RAB28: variants seen among roughly 807,000 people sequenced by gnomAD.
RAB28 encodes ras-related protein Rab-28.
RAB28 carries 24 observed loss-of-function variants against 31.7 expected under a neutral mutation model. That is an observed-to-expected ratio of 0.76 (90% CI 0.55 to 1.06). The LOEUF is 1.06. Among genes scored for constraint, RAB28 ranks in the 50% least tolerant of loss-of-function variants. The probability of loss-of-function intolerance (pLI) is 0.00; values close to 1 mark genes in which losing one functional copy is unlikely to be tolerated. For missense variants in RAB28, 254 were observed against 258.5 expected (o/e 0.98, Z 0.12); for synonymous variants, 100 against 90.4 (o/e 1.11, Z -0.60).
intron 4 of RAB28, among the ~76,000 whole-genome samples, chr4:13,386,824 T>C (rs1490500748): frequency 6.6e-6 from 1 of 152,052 alleles, no homozygotes; most frequent in Non-Finnish European, 1.5e-5. Flanking sequence ...CTATTCAAAA[T>C]AGCAAAGACA....
At position 13,474,522 on chromosome 4, in the gene RAB28, T is replaced by A. The variant is rs1281900451; in HGVS notation, c.173-116A>T. Reference sequence around the variant, plus strand: ...CACAATAAGAAACTCTGAGCCCAATTTGCCTTTATGTGCAGGCTCACATGA... The same window carrying A: ...CACAATAAGAAACTCTGAGCCCAATATGCCTTTATGTGCAGGCTCACATGA... On this transcript the variant is annotated intron_variant, in intron 2 of 6. Coordinates refer to ENST00000330852, the MANE Select transcript of RAB28 (RefSeq NM_001017979.3). 4 of 585,190 alleles carry A rather than the reference T, an allele frequency of 6.8e-6. No individual in the cohort carries two copies. In the Admixed American group the frequency reaches 9.6e-5, roughly 14 times the overall value. 36.2% of individuals were successfully genotyped at this position (585,190 alleles called of 1,614,324 possible).
chr4:13,399,891 G>A (rs1392956842), intron 4 of RAB28, among the ~76,000 whole-genome samples: 1 of 151,944 alleles, frequency 6.6e-6, no homozygotes, highest in Non-Finnish European at 1.5e-5. Context: ...TTTATCTTCT[G>A]TAGTTAATAT....
At chr4:13,439,368 T>C (rs968546999) in intron 4 of RAB28, among the ~76,000 whole-genome samples, 2 of 152,118 alleles carry the variant, frequency 1.3e-5, no homozygotes, top group African/African-American at 4.8e-5. Context: ...TTTGTTTTTG[T>C]TTTTCAGACA....
chr4:13,379,184 G>C (rs1196844455), intron 5 of RAB28, among the ~76,000 whole-genome samples: 1 of 130,576 alleles, frequency 7.7e-6, no homozygotes, highest in Non-Finnish European at 1.6e-5. Flanking sequence ...CCAGCCCGGA[G>C]GACACAGTGA....
At chr4:13,483,829 T>C (rs1410174004) in intron 1 of RAB28, among the ~76,000 whole-genome samples, 1 of 152,216 alleles carries the variant, frequency 6.6e-6, no homozygotes, top group Non-Finnish European at 1.5e-5. Flanking sequence ...GGCCCGAGTC[T>C]TGCAGGAGTT....
At chr4:13,406,920 T>G (rs890472670) in intron 4 of RAB28, among the ~76,000 whole-genome samples, 2 of 152,232 alleles carry the variant, frequency 1.3e-5, no homozygotes, top group Non-Finnish European at 2.9e-5. Flanking sequence ...TGGATAGATT[T>G]GCAAAAATTT....
chr4:13,424,174 A>G (rs1485257659), intron 4 of RAB28, among the ~76,000 whole-genome samples: 3 of 152,248 alleles, frequency 2.0e-5, no homozygotes, highest in Non-Finnish European at 4.4e-5. Context: ...GTTCAAGACT[A>G]TATTTCGTAA....
chr4:13,384,389 G>A (rs1231144342), intron 4 of RAB28, among the ~76,000 whole-genome samples: 1 of 152,198 alleles, frequency 6.6e-6, no homozygotes, highest in African/African-American at 2.4e-5. Context: ...TGCTGCTGCT[G>A]CTGCTAGCAC....
intron 6 of RAB28, chr4:13,371,734 A>T: frequency 6.5e-7 from 1 of 1,542,894 alleles, no homozygotes; most frequent in Non-Finnish European, 8.7e-7. Context: ...CACTGTAGTC[A>T]GCTTATTTAA....
chr4:13,482,483 T>A (rs1193989495), intron 1 of RAB28, among the ~76,000 whole-genome samples: 1 of 152,122 alleles, frequency 6.6e-6, no homozygotes, highest in African/African-American at 2.4e-5. Context: ...CAGTTATGAA[T>A]TGAATACAGT....
At chr4:13,470,962 A>G (rs1166751587) in intron 3 of RAB28, among the ~76,000 whole-genome samples, 3 of 151,938 alleles carry the variant, frequency 2.0e-5, no homozygotes, top group African/African-American at 7.3e-5. Context: ...ATCCAAGTTA[A>G]CTCCCAGCCT....
intron 5 of RAB28, among the ~76,000 whole-genome samples, chr4:13,377,893 A>C (rs755357008): frequency 3.3e-5 from 5 of 152,228 alleles, no homozygotes; most frequent in Non-Finnish European, 5.9e-5. Flanking sequence ...AGGAGTCAAG[A>C]AAGGCTCCAA....
In RAB28 at chr4:13,381,515, A is replaced by C. The variant is rs1274012933; in HGVS notation, c.471T>G (p.Phe157Leu). The C allele has an allele frequency of 1.9e-6, 3 of 1,612,606 alleles. No homozygotes were observed. In the Admixed American group the frequency reaches 5.0e-5, roughly 27 times the overall value. Residue 157 changes from phenylalanine (F) to leucine (L), a missense_variant, in exon 5 of 7, where the codon TTT becomes TTG. Transcript: ENST00000330852. ...CAGAGTCTCCTGTCTTGGCTGAGAC[A>C]AAGTGGCTACTAAAACCATTTTCCT... ...FCQENGFSSH[F>L]VSAKTGDSVF...
intron 4 of RAB28, among the ~76,000 whole-genome samples, chr4:13,440,837 G>C (rs764950415): frequency 2.4e-4 from 36 of 151,802 alleles, no homozygotes; most frequent in Non-Finnish European, 4.3e-4. Flanking sequence ...TGTAAGAAGA[G>C]ATAAGGACAC....
intron 4 of RAB28, among the ~76,000 whole-genome samples, chr4:13,406,989 G>T (rs1712132216): frequency 6.6e-6 from 1 of 152,104 alleles, no homozygotes; most frequent in Admixed American, 6.5e-5. Context: ...CTGTGCAGAA[G>T]CTCTTTAGTT....
At position 13,479,524 on chromosome 4, in the gene RAB28, G is replaced by A. The variant is rs566148755; in HGVS notation, c.78C>T (p.Thr26=). 1.6e-5 allele frequency: 25 copies of A among 1,586,722 alleles called. No homozygotes were observed. Among genetic ancestry groups the A allele is most frequent in the East Asian group, 2.3e-5 (1 of 44,340 alleles). The change falls in exon 2 of 7, where the codon ACC becomes ACT. Residue 26 remains threonine (T), a splice_region_variant and synonymous_variant. Transcript: ENST00000330852. ...VVLGDGASGK[T]SLTTCFAQET... ...CTTGAGCAAAACACGTAGTTAAGGAGGTCTAAAAAATTGATGCACAGAATG... is the reference window on the plus strand; with the variant it reads ...CTTGAGCAAAACACGTAGTTAAGGAAGTCTAAAAAATTGATGCACAGAATG...
At chr4:13,479,378 A>C in intron 2 of RAB28, 52 bp downstream of exon 2, 1 of 1,345,108 alleles carries the variant, frequency 7.4e-7, no homozygotes, top group Non-Finnish European at 1.0e-6. Context: ...TATGCCACTT[A>C]TTGTTAAGAT....
At chr4:13,391,120 C>T (rs1041521425) in intron 4 of RAB28, among the ~76,000 whole-genome samples, 6 of 152,140 alleles carry the variant, frequency 3.9e-5, no homozygotes, top group African/African-American at 1.4e-4. Context: ...GAACAGGCAA[C>T]CTGTAGAATG....
chr4:13,460,101 A>G (rs1715516447), intron 4 of RAB28, among the ~76,000 whole-genome samples: 1 of 152,242 alleles, frequency 6.6e-6, no homozygotes. Flanking sequence ...CTGTTTCCAA[A>G]TATCAAATAT....
Sources: gnomAD v4.1 joint callset for allele counts (sites outside exome capture counted in the v4.1 genomes callset) on GRCh38, gnomAD v4.1.1 for gene constraint, MANE v1.5 for transcripts, NCBI Gene and HGNC (gene_info 2026-07-23, HGNC 2026-07-21) for gene names.